Variants in IGF1R observed in about 807,000 individuals in gnomAD.
The protein encoded by IGF1R is insulin-like growth factor 1 receptor.
Under a neutral mutation model 144.6 loss-of-function variants are expected in IGF1R, and 44 were observed. That is an observed-to-expected ratio of 0.30 (90% CI 0.24 to 0.39). The LOEUF (loss-of-function observed/expected upper bound fraction) is 0.39. Among genes scored for constraint, IGF1R ranks in the 10% least tolerant of loss-of-function variants. The pLI is 1.00. For synonymous variants in IGF1R, 795 were observed against 722.8 expected (o/e 1.10, Z -1.60); for missense variants, 1,355 against 1,833.7 (o/e 0.74, Z 4.77).
At chr15:98,710,688 C>T (rs1449748308) in intron 2 of IGF1R, among the ~76,000 whole-genome samples, 6 of 135,028 alleles carry the variant, frequency 4.4e-5, no homozygotes, top group Non-Finnish European at 6.3e-5. Flanking sequence ...TTTTTTGAGG[C>T]GGAGTTTCGC....
At chr15:98,918,618 C>G (rs571489301) in intron 10 of IGF1R, among the ~76,000 whole-genome samples, 1 of 152,108 alleles carries the variant, frequency 6.6e-6, no homozygotes, top group Non-Finnish European at 1.5e-5. Context: ...CGGTGGCTCA[C>G]GCCTGTAATC....
At chr15:98,792,083 G>A (rs913088570) in intron 2 of IGF1R, among the ~76,000 whole-genome samples, 2 of 152,110 alleles carry the variant, frequency 1.3e-5, no homozygotes, top group Non-Finnish European at 2.9e-5. Context: ...TACCCTATAA[G>A]GTCCCCAAAT....
At chr15:98,849,945 C>T (rs1188206210) in intron 2 of IGF1R, among the ~76,000 whole-genome samples, 4 of 152,138 alleles carry the variant, frequency 2.6e-5, no homozygotes, top group Admixed American at 6.5e-5. Context: ...GCTGGGAGGA[C>T]GGCAGAATAG....
rs542627412 is a variant in IGF1R, at chr15:98,957,487, G to A, written c.*45G>A. ...TGCAAACAGTAACGTGTGCGCACGC[G>A]CAGCGGGGTGGGGGGGGAGAGAGAG... On this transcript the variant is annotated 3_prime_UTR_variant, in exon 21 of 21. Coordinates refer to ENST00000650285, the MANE Select transcript of IGF1R (RefSeq NM_000875.5). 8.1e-5 allele frequency: 130 copies of A among 1,610,196 alleles called. No individual in the cohort carries two copies. Among genetic ancestry groups the A allele is most frequent in the Non-Finnish European group, 1.0e-4 (120 of 1,178,870 alleles).
At chr15:98,737,816 CT>C (rs758889768) in intron 2 of IGF1R, among the ~76,000 whole-genome samples, 91 of 152,144 alleles carry the variant, frequency 6.0e-4, no homozygotes, top group Admixed American at 6.5e-4. Context: ...GTTCTGTCGT[CT>C]TCTGTGCCTC....
At chr15:98,907,917 C>T (rs548115142) in intron 5 of IGF1R, among the ~76,000 whole-genome samples, 73 of 152,346 alleles carry the variant, frequency 4.8e-4, no homozygotes, top group Middle Eastern at 3.4e-3. Context: ...GGGTCAGCAC[C>T]ACCTGGGATT....
At chr15:98,900,679 T>C (rs1272390659) in intron 5 of IGF1R, 1 of 152,218 alleles carries the variant, frequency 6.6e-6, no homozygotes, top group East Asian at 1.9e-4. Context: ...TTCTTTCTCA[T>C]TGCAAATCGA....
At chr15:98,875,142 G>A (rs1453711276) in intron 2 of IGF1R, among the ~76,000 whole-genome samples, 2 of 151,870 alleles carry the variant, frequency 1.3e-5, no homozygotes, top group Non-Finnish European at 2.9e-5. Flanking sequence ...AGGATGCTCC[G>A]GGATTTCGGG....
intron 2 of IGF1R, among the ~76,000 whole-genome samples, chr15:98,807,791 C>A (rs1197792416): frequency 6.6e-6 from 1 of 152,212 alleles, no homozygotes; most frequent in Non-Finnish European, 1.5e-5. Context: ...TGTCTCCTTG[C>A]CGTTTATGGG....
chr15:98,779,098 G>T (rs2055790874), intron 2 of IGF1R, among the ~76,000 whole-genome samples: 1 of 152,194 alleles, frequency 6.6e-6, no homozygotes, highest in Non-Finnish European at 1.5e-5. Flanking sequence ...CTGTGTGCTT[G>T]GTACGAAGTA....
chr15:98,858,683 G>T (rs922858666), intron 2 of IGF1R, among the ~76,000 whole-genome samples: 1 of 152,192 alleles, frequency 6.6e-6, no homozygotes, highest in African/African-American at 2.4e-5. Flanking sequence ...ACGAGGTCTC[G>T]CCTGGGCTTC....
chr15:98,906,404 C>G (rs1436118463), intron 5 of IGF1R, among the ~76,000 whole-genome samples: 1 of 152,148 alleles, frequency 6.6e-6, no homozygotes, highest in Non-Finnish European at 1.5e-5. Flanking sequence ...TGGAAGCAGC[C>G]CGACATTTGG....
chr15:98,843,492 T>C (rs573049636), intron 2 of IGF1R, among the ~76,000 whole-genome samples: 4 of 152,166 alleles, frequency 2.6e-5, no homozygotes, highest in Non-Finnish European at 5.9e-5. Context: ...GAAAACGAAA[T>C]TTCATAGGTA....
chr15:98,863,039 C>A (rs2012243119), intron 2 of IGF1R, among the ~76,000 whole-genome samples: 1 of 152,168 alleles, frequency 6.6e-6, no homozygotes, highest in South Asian at 2.1e-4. Flanking sequence ...AGAGACGATC[C>A]TACCTGGCAT....
intron 2 of IGF1R, among the ~76,000 whole-genome samples, chr15:98,798,169 G>A (rs567325090): frequency 6.6e-6 from 1 of 152,180 alleles, no homozygotes; most frequent in South Asian, 2.1e-4. Flanking sequence ...TAGGGAAGGG[G>A]ATGGGAGGGC....
intron 2 of IGF1R, among the ~76,000 whole-genome samples, chr15:98,831,794 A>AC (rs1184788705): frequency 6.6e-6 from 1 of 152,164 alleles, no homozygotes; most frequent in Non-Finnish European, 1.5e-5. Flanking sequence ...TAGAATTTGA[A>AC]CACGCTCCAG....
At position 98,961,222 on chromosome 15, in the gene IGF1R, G is replaced by A. The variant is rs971486855; in HGVS notation, c.*3780G>A. 2 of 233,384 alleles carry A rather than the reference G, an allele frequency of 8.6e-6. No homozygotes were observed. Among genetic ancestry groups the A allele is most frequent in the African/African-American group, 4.4e-5 (2 of 45,280 alleles). 14.5% of individuals were successfully genotyped at this position (233,384 alleles called of 1,614,324 possible). On this transcript the variant is annotated 3_prime_UTR_variant, in exon 21 of 21. Coordinates refer to ENST00000650285, the MANE Select transcript of IGF1R (RefSeq NM_000875.5). ...CCTTGGAATAACGGCCTCTCCTCTCGTGCACATACCTACCGGTTTCCACAA... is the reference window on the plus strand; with the variant it reads ...CCTTGGAATAACGGCCTCTCCTCTCATGCACATACCTACCGGTTTCCACAA...
chr15:98,932,919 A>G (rs1270749874), intron 15 of IGF1R, among the ~76,000 whole-genome samples: 1 of 152,254 alleles, frequency 6.6e-6, no homozygotes, highest in Non-Finnish European at 1.5e-5. Context: ...CTAATTTATA[A>G]TAAACATCTC....
chr15:98,699,338 C>G (rs978241019), intron 1 of IGF1R, among the ~76,000 whole-genome samples: 2 of 152,200 alleles, frequency 1.3e-5, no homozygotes, highest in African/African-American at 4.8e-5. Flanking sequence ...CCGAGGGACT[C>G]TATCTCCTGG....
Sources: allele counts gnomAD v4.1 joint callset (sites outside exome capture counted in the v4.1 genomes callset), GRCh38; gene constraint gnomAD v4.1.1; transcripts MANE v1.5; gene names NCBI Gene and HGNC (gene_info 2026-07-23, HGNC 2026-07-21).